PTPRT: variants seen among roughly 807,000 people sequenced by gnomAD.
The protein encoded by PTPRT is protein tyrosine phosphatase receptor type T.
Under a neutral mutation model 176.8 loss-of-function variants are expected in PTPRT, and 56 were observed. The ratio of observed to expected loss-of-function variants is 0.32; its 90% CI spans 0.26 to 0.40. The LOEUF (loss-of-function observed/expected upper bound fraction) is 0.40, where lower values mean the gene tolerates loss of function less well. Among genes scored for constraint, PTPRT ranks in the 10% least tolerant of loss-of-function variants. The probability of loss-of-function intolerance (pLI) is 1.00; values close to 1 mark genes in which losing one functional copy is unlikely to be tolerated. For synonymous variants in PTPRT, 783 were observed against 739.0 expected (o/e 1.06, Z -0.96); for missense variants, 1,540 against 1,908.2 (o/e 0.81, Z 3.60).
intron 9 of PTPRT, among the ~76,000 whole-genome samples, chr20:42,370,636 A>C (rs1025633539): frequency 1.3e-5 from 2 of 152,166 alleles, no homozygotes; most frequent in East Asian, 3.9e-4. Flanking sequence ...CCTTTCTTAT[A>C]GGTCAGAATG....
At chr20:42,691,148 A>T (rs1723629963) in intron 6 of PTPRT, among the ~76,000 whole-genome samples, 1 of 152,186 alleles carries the variant, frequency 6.6e-6, no homozygotes, top group Admixed American at 6.5e-5. Flanking sequence ...GGTAGCCACT[A>T]ATCTCCCACC....
chr20:42,654,438 A>G (rs953845497), intron 7 of PTPRT, among the ~76,000 whole-genome samples: 6 of 152,200 alleles, frequency 3.9e-5, no homozygotes, highest in Non-Finnish European at 8.8e-5. Flanking sequence ...AACTGGCCAC[A>G]AATGAGAACA....
intron 17 of PTPRT, among the ~76,000 whole-genome samples, chr20:42,145,287 G>T (rs916769423): frequency 4.6e-5 from 7 of 152,174 alleles, no homozygotes; most frequent in Admixed American, 3.9e-4. Flanking sequence ...GGATCAAGAG[G>T]TCAGGAGTTC....
intron 7 of PTPRT, among the ~76,000 whole-genome samples, chr20:42,512,201 T>A (rs540855506): frequency 6.6e-6 from 1 of 152,226 alleles, no homozygotes; most frequent in Non-Finnish European, 1.5e-5. Context: ...ATAGATTTCA[T>A]GTAACCACCA....
chr20:42,881,008 A>T (rs2079003620), intron 2 of PTPRT, among the ~76,000 whole-genome samples: 1 of 152,228 alleles, frequency 6.6e-6, no homozygotes, highest in Non-Finnish European at 1.5e-5. Context: ...GTCAGGACCC[A>T]CAGTAGAACA....
At chr20:42,373,060 C>G (rs1332011271) in intron 9 of PTPRT, among the ~76,000 whole-genome samples, 1 of 152,220 alleles carries the variant, frequency 6.6e-6, no homozygotes, top group Non-Finnish European at 1.5e-5. Flanking sequence ...GAAATAGGGC[C>G]TATGGAGGAC....
intron 10 of PTPRT, 22 bp downstream of exon 10, chr20:42,352,062 T>A (rs543105438): frequency 6.2e-7 from 1 of 1,603,526 alleles, no homozygotes; most frequent in East Asian, 2.2e-5. Context: ...CTTTTTTCCT[T>A]TTTCCTTTCT....
At chr20:42,895,701 A>G (rs904669860) in intron 1 of PTPRT, among the ~76,000 whole-genome samples, 4 of 152,168 alleles carry the variant, frequency 2.6e-5, no homozygotes, top group Non-Finnish European at 5.9e-5. Flanking sequence ...TTAGCACTGC[A>G]TGTTGCATTT....
chr20:42,841,239 T>C (rs1600818286), intron 2 of PTPRT, among the ~76,000 whole-genome samples: 1 of 152,108 alleles, frequency 6.6e-6, no homozygotes, highest in South Asian at 2.1e-4. Flanking sequence ...GAGTCAAAGC[T>C]CCTTTAAAAT....
At chr20:43,183,614 A>G (rs899356066) in intron 1 of PTPRT, among the ~76,000 whole-genome samples, 1 of 152,230 alleles carries the variant, frequency 6.6e-6, no homozygotes, top group Non-Finnish European at 1.5e-5. Context: ...ACCACCTTCC[A>G]GTTTCCAAGT....
At chr20:42,495,932 C>T (rs971446970) in intron 7 of PTPRT, among the ~76,000 whole-genome samples, 4 of 152,106 alleles carry the variant, frequency 2.6e-5, no homozygotes, top group African/African-American at 9.7e-5. Context: ...TAACTTCTGA[C>T]CTCCAAAAAC....
chr20:42,774,173 TAA>T (rs1409543442), intron 4 of PTPRT, among the ~76,000 whole-genome samples: 1 of 152,226 alleles, frequency 6.6e-6, no homozygotes, highest in East Asian at 1.9e-4. Context: ...TGTAAATTAA[TAA>T]AGTCGTTCAG....
At chr20:42,728,998 C>T (rs2076420906) in intron 6 of PTPRT, among the ~76,000 whole-genome samples, 1 of 152,112 alleles carries the variant, frequency 6.6e-6, no homozygotes, top group South Asian at 2.1e-4. Context: ...TTGACCTTCT[C>T]TCTATAAATG....
At chr20:42,859,481 T>G (rs2078622238) in intron 2 of PTPRT, among the ~76,000 whole-genome samples, 1 of 152,196 alleles carries the variant, frequency 6.6e-6, no homozygotes, top group South Asian at 2.1e-4. Flanking sequence ...CGGATTATTT[T>G]TCCTTTTACT....
intron 1 of PTPRT, among the ~76,000 whole-genome samples, chr20:42,977,050 C>T (rs940718621): frequency 1.3e-5 from 2 of 152,076 alleles, no homozygotes; most frequent in Non-Finnish European, 1.5e-5. Flanking sequence ...CTGACTTAGC[C>T]CTCTTATGGG....
chr20:42,451,552 A>G (rs1337747358), intron 8 of PTPRT, among the ~76,000 whole-genome samples: 1 of 152,200 alleles, frequency 6.6e-6, no homozygotes, highest in Non-Finnish European at 1.5e-5. Context: ...GAACTCCAGA[A>G]TTAACAATTA....
At chr20:42,586,689 A>G (rs1212396570) in intron 7 of PTPRT, among the ~76,000 whole-genome samples, 2 of 152,114 alleles carry the variant, frequency 1.3e-5, no homozygotes, top group East Asian at 1.9e-4. Context: ...ATATCTTCTT[A>G]TGTCAAAGAG....
chr20:42,651,116 T>A (rs1419618604), intron 7 of PTPRT, among the ~76,000 whole-genome samples: 1 of 152,158 alleles, frequency 6.6e-6, no homozygotes, highest in African/African-American at 2.4e-5. Flanking sequence ...TAAAGGGTTC[T>A]ATAAACAAAA....
intron 8 of PTPRT, among the ~76,000 whole-genome samples, chr20:42,453,163 G>A (rs1367398139): frequency 6.6e-6 from 1 of 152,078 alleles, no homozygotes; most frequent in Admixed American, 6.6e-5. Flanking sequence ...TATTCTTCCA[G>A]AAGAATTTAG....
Sources: gnomAD v4.1 joint callset for allele counts (sites outside exome capture counted in the v4.1 genomes callset) on GRCh38, gnomAD v4.1.1 for gene constraint, MANE v1.5 for transcripts, NCBI Gene and HGNC (gene_info 2026-07-23, HGNC 2026-07-21) for gene names.